The following ELOVL7 variants were observed in gnomAD, a reference collection of about 807,000 sequenced individuals.
ELOVL7 encodes ELOVL fatty acid elongase 7.
In ELOVL7, 27 loss-of-function variants were observed where a neutral mutation model predicts 35.7. That is an observed-to-expected ratio of 0.76 (90% CI 0.56 to 1.04). The LOEUF is 1.04. Ranked by LOEUF, ELOVL7 falls within the 50% of genes least tolerant of loss-of-function variation. The probability of loss-of-function intolerance (pLI) is 0.00; values close to 1 mark genes in which losing one functional copy is unlikely to be tolerated. For missense variants in ELOVL7, 327 were observed against 340.8 expected (o/e 0.96, Z 0.32); for synonymous variants, 113 against 114.6 (o/e 0.99, Z 0.09).
chr5:60,793,186 C>A (rs1488375201), intron 2 of ELOVL7, among the ~76,000 whole-genome samples: 1 of 152,180 alleles, frequency 6.6e-6, no homozygotes, highest in Non-Finnish European at 1.5e-5. Context: ...CCTCTCAATG[C>A]AGTAGTTAAA....
chr5:60,761,223 C>A (rs939853243), intron 7 of ELOVL7, among the ~76,000 whole-genome samples: 1 of 152,054 alleles, frequency 6.6e-6, no homozygotes, highest in East Asian at 1.9e-4. Context: ...AAAGGAATCA[C>A]CTGGGTAATT....
chr5:60,843,709 T>A (rs1561483003), intron 1 of ELOVL7, among the ~76,000 whole-genome samples: 1 of 152,132 alleles, frequency 6.6e-6, no homozygotes, highest in Non-Finnish European at 1.5e-5. Context: ...GTCGAGCAGG[T>A]CCTTCTCCCT....
intron 1 of ELOVL7, among the ~76,000 whole-genome samples, chr5:60,834,430 C>T (rs1746667634): frequency 6.6e-6 from 1 of 152,202 alleles, no homozygotes; most frequent in South Asian, 2.1e-4. Context: ...CAGGCGTGAG[C>T]CACTGCGCCC....
At chr5:60,810,502 T>C (rs185646576) in intron 1 of ELOVL7, among the ~76,000 whole-genome samples, 33 of 152,346 alleles carry the variant, frequency 2.2e-4, no homozygotes, top group Admixed American at 1.0e-3. Flanking sequence ...TGATGATAGA[T>C]TTGCCCATTA....
Position 60,751,849 on chromosome 5 carries a change from C to T in ELOVL7, c.*2775G>A, listed in dbSNP as rs113869644. ...AGGGAAAAACAAACTCAAACTTTGA[C>T]AACATCCACAGAATGTTCCAGTCTT... is the stretch of plus-strand genomic sequence containing the variant. On this transcript the variant is annotated 3_prime_UTR_variant, in exon 9 of 9. Coordinates refer to ENST00000508821, the MANE Select transcript of ELOVL7 (RefSeq NM_024930.3). 1 of 152,088 alleles carries T rather than the reference C, an allele frequency of 6.6e-6. No homozygotes were observed. The highest frequency in any genetic ancestry group is 2.4e-5 in the African/African-American group (1 of 41,410). The allele number at this position is 152,088 out of a possible 1,614,324, so 9.4% of individuals were successfully genotyped here.
At chr5:60,760,236 C>G (rs1741817689) in intron 7 of ELOVL7, among the ~76,000 whole-genome samples, 1 of 152,192 alleles carries the variant, frequency 6.6e-6, no homozygotes, top group Non-Finnish European at 1.5e-5. Context: ...AGTGGTTGAA[C>G]TAGTTTACAG....
At chr5:60,824,964 T>C (rs373086826) in intron 1 of ELOVL7, among the ~76,000 whole-genome samples, 5 of 98,450 alleles carry the variant, frequency 5.1e-5, no homozygotes, top group Admixed American at 1.9e-4. Context: ...TCACTTCTTT[T>C]TTTTTTTTTG....
At chr5:60,766,431 T>A in intron 6 of ELOVL7, 143 bp downstream of exon 6, 1 of 619,452 alleles carries the variant, frequency 1.6e-6, no homozygotes, top group Non-Finnish European at 2.8e-6. Context: ...AAGATAACAG[T>A]AGGTCTGCCT....
intron 1 of ELOVL7, among the ~76,000 whole-genome samples, chr5:60,823,260 A>C (rs936244376): frequency 6.6e-5 from 10 of 152,118 alleles, no homozygotes; most frequent in African/African-American, 2.4e-4. Flanking sequence ...ACCTCCTCCG[A>C]GAAGGAAAAC....
chr5:60,805,499 G>T (rs1476165995), intron 1 of ELOVL7, among the ~76,000 whole-genome samples: 1 of 152,134 alleles, frequency 6.6e-6, no homozygotes, highest in Non-Finnish European at 1.5e-5. Flanking sequence ...GTCATTACAG[G>T]TTTCTCAACT....
At chr5:60,789,702 C>T (rs1743809811) in intron 2 of ELOVL7, among the ~76,000 whole-genome samples, 1 of 152,174 alleles carries the variant, frequency 6.6e-6, no homozygotes, top group African/African-American at 2.4e-5. Context: ...AGACTGGAAA[C>T]AACCCACATG....
chr5:60,828,231 CA>C (rs1317243929), intron 1 of ELOVL7, among the ~76,000 whole-genome samples: 3 of 152,142 alleles, frequency 2.0e-5, no homozygotes, highest in African/African-American at 4.8e-5. Flanking sequence ...ATCTTTCAGC[CA>C]AGTACACTTT....
chr5:60,789,897 G>C (rs1743822547), intron 2 of ELOVL7, among the ~76,000 whole-genome samples: 1 of 152,182 alleles, frequency 6.6e-6, no homozygotes, highest in African/African-American at 2.4e-5. Context: ...CAGCAGTTTG[G>C]GAGGCTGAGG....
chr5:60,771,087 G>A (rs1742557437), intron 4 of ELOVL7, among the ~76,000 whole-genome samples: 1 of 152,222 alleles, frequency 6.6e-6, no homozygotes, highest in Non-Finnish European at 1.5e-5. Context: ...GGTGCCAGGA[G>A]AGGTCAGTGG....
At chr5:60,810,546 A>G (rs1242061455) in intron 1 of ELOVL7, among the ~76,000 whole-genome samples, 1 of 152,206 alleles carries the variant, frequency 6.6e-6, no homozygotes, top group Non-Finnish European at 1.5e-5. Context: ...ATCAATTACT[A>G]AATTATACAA....
In ELOVL7 at chr5:60,791,305, G is replaced by A. The variant is rs182433598; in HGVS notation, c.-34-3874C>T. 1.8e-4 allele frequency among the ~76,000 whole-genome samples: 27 copies of A among 152,178 alleles called. No homozygotes were observed. The East Asian group carries it at 4.4e-3, about 25-fold the overall frequency. On this transcript the variant is annotated intron_variant, in intron 2 of 8. Coordinates refer to ENST00000508821, the MANE Select transcript of ELOVL7 (RefSeq NM_024930.3). ...ATCAGCCATTTATCATTTAGAGAGA[G>A]AAATTGTGCCAATTTATGGGTACAT...
intron 2 of ELOVL7, among the ~76,000 whole-genome samples, chr5:60,795,730 A>G (rs1005831409): frequency 6.6e-6 from 1 of 152,138 alleles, no homozygotes; most frequent in African/African-American, 2.4e-5. Context: ...GCCACTCCCA[A>G]TCGGGCTAGA....
intron 7 of ELOVL7, among the ~76,000 whole-genome samples, chr5:60,762,576 G>C (rs1209487202): frequency 6.6e-6 from 1 of 152,052 alleles, no homozygotes; most frequent in Non-Finnish European, 1.5e-5. Context: ...AACCACCTCT[G>C]TTTATATTTT....
chr5:60,820,213 G>C (rs1465918416), intron 1 of ELOVL7, among the ~76,000 whole-genome samples: 1 of 152,182 alleles, frequency 6.6e-6, no homozygotes, highest in East Asian at 1.9e-4. Context: ...AATGAGCTTA[G>C]AAATGGATTC....
Sources: allele counts gnomAD v4.1 joint callset (sites outside exome capture counted in the v4.1 genomes callset), GRCh38; gene constraint gnomAD v4.1.1; transcripts MANE v1.5; gene names NCBI Gene and HGNC (gene_info 2026-07-23, HGNC 2026-07-21).